SLC7A7: variants seen among roughly 807,000 people sequenced by gnomAD.
The protein encoded by SLC7A7 is solute carrier family 7 member 7, also known as Y+L amino acid transporter 1.
A neutral mutation model predicts 47.9 loss-of-function variants in SLC7A7; 39 were observed. That is an observed-to-expected ratio of 0.81 (90% CI 0.63 to 1.06). The LOEUF (loss-of-function observed/expected upper bound fraction) is 1.06. Among genes scored for constraint, SLC7A7 ranks in the 50% least tolerant of loss-of-function variants. The probability of loss-of-function intolerance (pLI) is 0.00; values close to 1 mark genes in which losing one functional copy is unlikely to be tolerated. For synonymous variants in SLC7A7, 234 were observed against 242.8 expected (o/e 0.96, Z 0.34); for missense variants, 588 against 632.0 (o/e 0.93, Z 0.75).
rs575842133 is a variant in SLC7A7, at chr14:22,784,164, A to C, written c.500-4113T>G. The stretch of plus-strand genomic sequence containing the variant: ...TGGAGGCAACTGCAAGTTAACCTCA[A>C]GGGCAGAGATGCCCTCCCCTTCTAC... On this transcript the variant is annotated intron_variant, in intron 2 of 9. Transcript: ENST00000674313. Among the ~76,000 whole-genome samples, 94 of 152,340 alleles carry C rather than the reference A, an allele frequency of 6.2e-4. 1 individual carries two copies. The highest frequency in any genetic ancestry group is 2.2e-3 in the African/African-American group (93 of 41,580).
In SLC7A7 at chr14:22,815,410, C is replaced by G. The variant is rs184384930; in HGVS notation, c.-133G>C. The G allele has an allele frequency of 6.6e-6, 3 of 454,504 alleles. No homozygotes were observed. In the Admixed American group the frequency reaches 7.0e-5, roughly 11 times the overall value. 28.2% of individuals were successfully genotyped at this position (454,504 alleles called of 1,614,324 possible). ...TTCCAGGATCTGTGGTCTGATGCTC[C>G]TCCTTCCCAGCCAGCAGTAAAAGGG... On this transcript the variant is annotated 5_prime_UTR_variant, in exon 1 of 10. Transcript: ENST00000674313.
chr14:22,777,941 G>T (rs573273078), intron 4 of SLC7A7, among the ~76,000 whole-genome samples: 1 of 152,158 alleles, frequency 6.6e-6, no homozygotes, highest in Non-Finnish European at 1.5e-5. Flanking sequence ...CAGGCGTGGT[G>T]GCAGGCACCT....
chr14:22,792,246 A>C (rs1056854314), intron 2 of SLC7A7, among the ~76,000 whole-genome samples: 6 of 152,030 alleles, frequency 3.9e-5, no homozygotes, highest in African/African-American at 1.4e-4. Context: ...ATGGCCTTCA[A>C]ATTATTTTAC....
Position 22,813,267 on chromosome 14 carries a change from G to A in SLC7A7, c.132C>T (p.Cys44=). ...KKEISLLNGV[C]LIVGNMIGSG... ...AGCCGATCATGTTCCCCACAATCAG[G>A]CACACGCCGTTAAGCAGTGAGATCT... Residue 44 remains cysteine, a synonymous_variant, in exon 2 of 10, where the codon TGC becomes TGT. Transcript: ENST00000674313. 1 of 1,614,036 alleles carries A rather than the reference G, an allele frequency of 6.2e-7. No homozygotes were observed. The highest frequency in any genetic ancestry group is 8.5e-7 in the Non-Finnish European group (1 of 1,179,890).
intron 2 of SLC7A7, among the ~76,000 whole-genome samples, chr14:22,796,071 T>C (rs2039017513): frequency 6.6e-6 from 1 of 152,144 alleles, no homozygotes; most frequent in Admixed American, 6.5e-5. Context: ...AGCCTATTTC[T>C]TGAGGTGAAT....
At chr14:22,790,789 A>G (rs1315324355) in intron 2 of SLC7A7, among the ~76,000 whole-genome samples, 1 of 152,096 alleles carries the variant, frequency 6.6e-6, no homozygotes, top group East Asian at 1.9e-4. Context: ...CACGAGTTCA[A>G]GAGATTGAGA....
upstream of SLC7A7, among the ~76,000 whole-genome samples, chr14:22,818,621 G>A (rs1337580511): frequency 1.4e-4 from 17 of 122,472 alleles, no homozygotes; most frequent in South Asian, 2.0e-3. Flanking sequence ...TTTTTTACCC[G>A]AGATGGAGTT....
chr14:22,784,345 T>A (rs141477771), intron 2 of SLC7A7, among the ~76,000 whole-genome samples: 72 of 151,956 alleles, frequency 4.7e-4, no homozygotes, highest in Admixed American at 9.2e-4. Flanking sequence ...CGTGGCCGGG[T>A]GCAGTGGCTC....
intron 2 of SLC7A7, among the ~76,000 whole-genome samples, chr14:22,805,561 G>C (rs774556802): frequency 6.6e-6 from 1 of 152,124 alleles, no homozygotes; most frequent in Admixed American, 6.5e-5. Context: ...GGAGCTGAAC[G>C]GTGAGAACAC....
intron 2 of SLC7A7, among the ~76,000 whole-genome samples, chr14:22,793,227 A>C (rs2038958210): frequency 6.6e-6 from 1 of 152,154 alleles, no homozygotes; most frequent in Admixed American, 6.5e-5. Context: ...AATTAAAATA[A>C]AAATTTTAAA....
Position 22,813,849 on chromosome 14 carries a change from G to A in SLC7A7, c.-42-409C>T, listed in dbSNP as rs573130970. The stretch of plus-strand genomic sequence containing the variant: ...CTTGTTGCCCAGGCTGGAGTGCAAT[G>A]GCGCGATCTCAGCTCACTGCAACCT... On this transcript the variant is annotated intron_variant, in intron 1 of 9. Transcript: ENST00000674313. 1.1e-4 allele frequency among the ~76,000 whole-genome samples: 15 copies of A among 136,676 alleles called. No homozygotes were observed. The East Asian group carries it at 2.3e-3, about 21-fold the overall frequency. 89.7% of individuals were successfully genotyped at this position (136,676 alleles called of 152,430 possible).
intron 7 of SLC7A7, 71 bp from the exon 8 acceptor site, chr14:22,774,574 A>AC: frequency 6.3e-7 from 1 of 1,598,334 alleles, no homozygotes; most frequent in Non-Finnish European, 8.6e-7. Context: ...CTCCCTTTAT[A>AC]CCCCAGAAAT....
At chr14:22,774,591 CCT>C (rs2038558892) in intron 7 of SLC7A7, 88 bp from the exon 8 acceptor site, 4 of 1,551,292 alleles carry the variant, frequency 2.6e-6, no homozygotes, top group Non-Finnish European at 2.7e-6. Flanking sequence ...AAATCCATCC[CCT>C]GTCAATCCTC....
chr14:22,779,392 G>T (rs1217273670), intron 3 of SLC7A7, among the ~76,000 whole-genome samples: 1 of 151,986 alleles, frequency 6.6e-6, no homozygotes, highest in Non-Finnish European at 1.5e-5. Context: ...TGGGTCAGTT[G>T]TCCTGGATAC....
chr14:22,777,236 G>C (rs772062146), intron 4 of SLC7A7, among the ~76,000 whole-genome samples: 1 of 150,104 alleles, frequency 6.7e-6, no homozygotes, highest in Admixed American at 6.6e-5. Flanking sequence ...AGGTTGTTTT[G>C]TTTTATACCC....
At chr14:22,784,823 A>T (rs893559806) in intron 2 of SLC7A7, among the ~76,000 whole-genome samples, 36 of 152,330 alleles carry the variant, frequency 2.4e-4, no homozygotes, top group Admixed American at 2.0e-3. Flanking sequence ...TCTGGATCAG[A>T]TGCTCAGGTT....
intron 2 of SLC7A7, among the ~76,000 whole-genome samples, chr14:22,787,051 C>G (rs4981441): frequency 0.9 from 137,117 of 152,230 alleles, 62,027 homozygotes; most frequent in East Asian, 0.97. Flanking sequence ...TTTCCTTCTT[C>G]ATTTTATTAG....
At chr14:22,799,648 T>C (rs2139434447) in intron 2 of SLC7A7, among the ~76,000 whole-genome samples, 1 of 151,868 alleles carries the variant, frequency 6.6e-6, no homozygotes, top group Non-Finnish European at 1.5e-5. Flanking sequence ...AGAGACAGGG[T>C]TTCGCCATGT....
In SLC7A7 at chr14:22,793,816, G is replaced by GA. The variant is rs372467034; in HGVS notation, c.500-13766dup. 3.4e-3 allele frequency among the ~76,000 whole-genome samples: 483 copies of GA among 143,546 alleles called. 2 individuals are homozygous for GA. The highest frequency in any genetic ancestry group is 0.028 in the Middle Eastern group (8 of 286). The allele number at this position is 143,546 out of a possible 152,430, so 94.2% of individuals were successfully genotyped here. The stretch of plus-strand genomic sequence containing the variant: ...GGGTGACAGAGCAAGACTCCATCTC[G>GA]AAAAAAAAAAAGAAATTATGGTTTA... On this transcript the variant is annotated intron_variant, in intron 2 of 9. Coordinates refer to ENST00000674313, the MANE Select transcript of SLC7A7 (RefSeq NM_003982.4).
Sources: gnomAD v4.1 joint callset for allele counts (sites outside exome capture counted in the v4.1 genomes callset) on GRCh38, gnomAD v4.1.1 for gene constraint, MANE v1.5 for transcripts, NCBI Gene and HGNC (gene_info 2026-07-23, HGNC 2026-07-21) for gene names.